Variants in UGT1A6 observed in about 807,000 individuals in gnomAD.
UGT1A6 encodes the protein UDP glucuronosyltransferase family 1 member A6.
Under a neutral mutation model 44.4 loss-of-function variants are expected in UGT1A6, and 32 were observed. The ratio of observed to expected loss-of-function variants is 0.72; its 90% CI spans 0.54 to 0.97. The LOEUF is 0.97. Ranked by LOEUF, UGT1A6 falls within the 50% of genes least tolerant of loss-of-function variation. The probability of loss-of-function intolerance (pLI) is 0.00; values close to 1 mark genes in which losing one functional copy is unlikely to be tolerated. For missense variants in UGT1A6, 685 were observed against 661.9 expected (o/e 1.03, Z -0.38); for synonymous variants, 238 against 248.5 (o/e 0.96, Z 0.40).
At chr2:233,762,422 T>TAG (rs1438123944) in intron 1 of UGT1A6, among the ~76,000 whole-genome samples, 1 of 152,242 alleles carries the variant, frequency 6.6e-6, no homozygotes, top group East Asian at 1.9e-4. Flanking sequence ...TTCTACAAAA[T>TAG]AGAGTAACAG....
intron 1 of UGT1A6, chr2:233,719,437 C>T (rs1189079913): frequency 6.2e-7 from 1 of 1,613,870 alleles, no homozygotes; most frequent in East Asian, 2.2e-5. Context: ...GACCACATGA[C>T]ATTCCTGCAA....
chr2:233,729,088 C>T (rs369653208), intron 1 of UGT1A6: 20 of 1,612,314 alleles, frequency 1.2e-5, no homozygotes, highest in African/African-American at 8.0e-5. Flanking sequence ...GCAGGCACAG[C>T]GTGGGGTGGA....
intron 1 of UGT1A6, chr2:233,717,870 G>A (rs909947409): frequency 5.9e-5 from 27 of 454,752 alleles, no homozygotes; most frequent in African/African-American, 4.4e-4. Flanking sequence ...GGATTGACTT[G>A]GAGAAAAGCC....
intron 1 of UGT1A6, among the ~76,000 whole-genome samples, chr2:233,753,010 T>G (rs1329149459): frequency 6.6e-6 from 1 of 151,864 alleles, no homozygotes; most frequent in Admixed American, 6.6e-5. Context: ...CTACCCAGAG[T>G]GGTGATTTAC....
intron 1 of UGT1A6, among the ~76,000 whole-genome samples, chr2:233,733,221 G>T (rs531413389): frequency 2.6e-5 from 4 of 152,188 alleles, no homozygotes; most frequent in African/African-American, 2.4e-5. Flanking sequence ...GAGACAATGG[G>T]GTTTTCTAAA....
At chr2:233,747,789 T>C in intron 1 of UGT1A6, 4 of 1,613,572 alleles carry the variant, frequency 2.5e-6, no homozygotes, top group East Asian at 2.2e-5. Context: ...TCCTTCCTCC[T>C]ATATTCCTAA....
intron 1 of UGT1A6, among the ~76,000 whole-genome samples, chr2:233,720,841 G>C (rs529446200): frequency 2.0e-5 from 3 of 151,096 alleles, no homozygotes; most frequent in African/African-American, 7.3e-5. Context: ...GAGTAACTGG[G>C]ACTGCAGGCA....
intron 1 of UGT1A6, chr2:233,743,924 G>A: frequency 1.5e-6 from 2 of 1,361,192 alleles, no homozygotes; most frequent in East Asian, 4.6e-5. Flanking sequence ...CATGCTGGAT[G>A]GCCAGAACGG....
intron 1 of UGT1A6, among the ~76,000 whole-genome samples, chr2:233,695,211 C>T (rs1186874462): frequency 6.6e-6 from 1 of 150,648 alleles, no homozygotes. Flanking sequence ...CTGCAACCTC[C>T]ACCTCCTGGG....
At chr2:233,760,776 C>T in intron 1 of UGT1A6, 1 of 1,613,940 alleles carries the variant, frequency 6.2e-7, no homozygotes, top group Non-Finnish European at 8.5e-7. Flanking sequence ...TGGCCCAGTA[C>T]CTGTCTCTGC....
At chr2:233,761,103 G>A (rs371726341) in intron 1 of UGT1A6, 4 of 1,614,144 alleles carry the variant, frequency 2.5e-6, no homozygotes, top group Admixed American at 1.7e-5. Flanking sequence ...TGCCCAATAT[G>A]GTTTTTGTTG....
At chr2:233,712,288 C>G (rs147382536) in intron 1 of UGT1A6, among the ~76,000 whole-genome samples, 1 of 152,350 alleles carries the variant, frequency 6.6e-6, no homozygotes, top group African/African-American at 2.4e-5. Flanking sequence ...ACCTCTTCTT[C>G]CATGGTGTAG....
chr2:233,705,029 G>A (rs1236578902), intron 1 of UGT1A6, among the ~76,000 whole-genome samples: 1 of 151,982 alleles, frequency 6.6e-6, no homozygotes, highest in Non-Finnish European at 1.5e-5. Context: ...CCAGCTACTC[G>A]GGAGGCTGAG....
chr2:233,756,134 A>G (rs1696129657), intron 1 of UGT1A6: 1 of 152,248 alleles, frequency 6.6e-6, no homozygotes, highest in African/African-American at 2.4e-5. Flanking sequence ...TTCTCCTGAA[A>G]AATTACTGGG....
At chr2:233,709,530 T>C (rs777975789) in intron 1 of UGT1A6, among the ~76,000 whole-genome samples, 1 of 152,190 alleles carries the variant, frequency 6.6e-6, no homozygotes, top group Non-Finnish European at 1.5e-5. Flanking sequence ...TTCTTTTTCC[T>C]ACTGTGATAT....
At chr2:233,755,830 A>G (rs534552982) in intron 1 of UGT1A6, 2 of 152,366 alleles carry the variant, frequency 1.3e-5, no homozygotes, top group South Asian at 4.1e-4. Context: ...AGACATATTC[A>G]TTGGGCAATT....
chr2:233,747,176 G>A lies in UGT1A6; in HGVS notation c.862-19858G>A, dbSNP rs762899554. 48 of 1,600,122 alleles carry A rather than the reference G, an allele frequency of 3.0e-5. 1 individual carries two copies. The highest frequency in any genetic ancestry group is 8.1e-5 in the African/African-American group (6 of 74,200). On this transcript the variant is annotated intron_variant, in intron 1 of 4. Coordinates refer to ENST00000305139, the MANE Select transcript of UGT1A6 (RefSeq NM_001072.4). ...AGAAAACAAATGTAGGAGGCACAGCGTGGGGTGGACAGTCAGCTGTCCGTG... is the reference window on the plus strand; with the variant it reads ...AGAAAACAAATGTAGGAGGCACAGCATGGGGTGGACAGTCAGCTGTCCGTG...
intron 1 of UGT1A6, among the ~76,000 whole-genome samples, chr2:233,695,496 G>A (rs2075292222): frequency 6.6e-6 from 1 of 151,498 alleles, no homozygotes; most frequent in African/African-American, 2.4e-5. Flanking sequence ...TTCTATCAAA[G>A]TTTTTGGAGT....
intron 1 of UGT1A6, among the ~76,000 whole-genome samples, chr2:233,710,321 A>G (rs944922303): frequency 1.3e-5 from 2 of 152,202 alleles, no homozygotes; most frequent in African/African-American, 4.8e-5. Context: ...TGTATGTATG[A>G]CTTCATAAGA....
Sources: allele counts gnomAD v4.1 joint callset (sites outside exome capture counted in the v4.1 genomes callset), GRCh38; gene constraint gnomAD v4.1.1; transcripts MANE v1.5; gene names NCBI Gene and HGNC (gene_info 2026-07-23, HGNC 2026-07-21).